Variants in BSPH1 observed in about 807,000 individuals in gnomAD.
BSPH1 encodes the protein binder of sperm 1.
Under a neutral mutation model 22.5 loss-of-function variants are expected in BSPH1, and 21 were observed. That is an observed-to-expected ratio of 0.93 (90% confidence interval 0.66 to 1.35). BSPH1 has a LOEUF of 1.35. Among genes scored for constraint, BSPH1 ranks in the 40% most tolerant of loss-of-function variants. The pLI is 0.00. For synonymous variants in BSPH1, 42 were observed against 53.6 expected (o/e 0.78, Z 0.95); for missense variants, 141 against 154.2 (o/e 0.91, Z 0.45).
rs1306503000 is a variant in BSPH1, at chr19:47,977,503, A to G, written c.126T>C (p.Asp42=). ...ETITHFPEVT[D]GECVFPFHYK... ...AGTGGAATGGAAAGACACACTCCCCATCTAGAGAAAACAAAATTCTTCCTC... is the reference window on the plus strand; with the variant it reads ...AGTGGAATGGAAAGACACACTCCCCGTCTAGAGAAAACAAAATTCTTCCTC... The change falls in exon 4 of 6, where the codon GAT becomes GAC. Residue 42 remains aspartate, a splice_region_variant and synonymous_variant. Coordinates refer to ENST00000344839, the MANE Select transcript of BSPH1 (RefSeq NM_001128326.2). 1.9e-5 allele frequency: 30 copies of G among 1,551,250 alleles called. No individual in the cohort carries two copies. The East Asian group carries it at 6.4e-4, about 33-fold the overall frequency.
intron 1 of BSPH1, among the ~76,000 whole-genome samples, chr19:47,985,280 A>C (rs759726512): frequency 5.3e-5 from 8 of 152,154 alleles, no homozygotes; most frequent in Non-Finnish European, 1.2e-4. Flanking sequence ...CCTTACCTAC[A>C]GAGAAGCAAA....
chr19:47,985,664 GTC>G (rs1214357249), intron 1 of BSPH1, among the ~76,000 whole-genome samples: 4 of 151,832 alleles, frequency 2.6e-5, no homozygotes, highest in Non-Finnish European at 5.9e-5. Flanking sequence ...GTGAAACCCT[GTC>G]TCTACTAAAA....
downstream of BSPH1, among the ~76,000 whole-genome samples, chr19:47,967,666 T>C (rs1296346667): frequency 6.6e-6 from 1 of 152,220 alleles, no homozygotes; most frequent in Non-Finnish European, 1.5e-5. Flanking sequence ...CTACTCTGAA[T>C]ACCTCATCTT....
At chr19:47,991,634 T>A (rs62652772) in intron 1 of BSPH1, among the ~76,000 whole-genome samples, 595 of 45,522 alleles carry the variant, frequency 0.013, 4 homozygotes, top group Non-Finnish European at 0.018. Flanking sequence ...TCCCTCCTCC[T>A]CCTCCTTCCC....
At chr19:47,979,135 C>T (rs1969395008) in intron 3 of BSPH1, among the ~76,000 whole-genome samples, 1 of 152,154 alleles carries the variant, frequency 6.6e-6, no homozygotes, top group African/African-American at 2.4e-5. Context: ...CCTTCTCCTC[C>T]TCCTTCTTCT....
chr19:47,977,185 G>T (rs1029359609), intron 4 of BSPH1, among the ~76,000 whole-genome samples, 188 bp downstream of exon 4: 1 of 152,192 alleles, frequency 6.6e-6, no homozygotes. Flanking sequence ...AAAATAATGT[G>T]GTTGAAATGC....
intron 2 of BSPH1, 120 bp from the exon 3 acceptor site, chr19:47,979,719 CATT>C (rs1969400704): frequency 2.2e-6 from 1 of 448,090 alleles, no homozygotes; most frequent in Admixed American, 4.4e-5. Context: ...ATTGTTATGG[CATT>C]ATGTTTTCCA....
At chr19:47,986,040 G>A (rs906211888) in intron 1 of BSPH1, among the ~76,000 whole-genome samples, 13 of 152,066 alleles carry the variant, frequency 8.5e-5, no homozygotes, top group Admixed American at 3.3e-4. Context: ...TCCAAGCTAC[G>A]GAGCCCCAGA....
chr19:47,981,136 T>C (rs1969416143), intron 1 of BSPH1, among the ~76,000 whole-genome samples, 195 bp from the exon 2 acceptor site: 1 of 152,192 alleles, frequency 6.6e-6, no homozygotes. Flanking sequence ...ATTTTTCAAA[T>C]ATTATTAAAG....
chr19:47,976,597 CAAA>C (rs1162262236), intron 5 of BSPH1, 110 bp downstream of exon 5: 10 of 314,304 alleles, frequency 3.2e-5, no homozygotes, highest in Non-Finnish European at 5.1e-5. Context: ...AAAAAAAAAA[CAAA>C]AAAAAACCCT....
chr19:47,984,131 G>A (rs1051468741), intron 1 of BSPH1, among the ~76,000 whole-genome samples: 8 of 137,176 alleles, frequency 5.8e-5, no homozygotes, highest in African/African-American at 2.2e-4. Context: ...ACAGGTGTAA[G>A]CCACCATGCC....
In BSPH1 at chr19:47,973,242, T is replaced by A. The variant is rs1245095233; in HGVS notation, c.*2+3468A>T. Among the ~76,000 whole-genome samples the A allele has an allele frequency of 5.6e-3, 813 of 146,052 alleles. 12 individuals carry two copies. Among genetic ancestry groups the A allele is most frequent in the African/African-American group, 0.02 (779 of 38,796 alleles). On this transcript the variant is annotated intron_variant, in intron 5 of 5. Transcript: ENST00000344839. ...AAAATAATAATAATAATAATAATAA[T>A]AATAATAATAATAATAATAATGTAG... is the stretch of plus-strand genomic sequence containing the variant.
intron 2 of BSPH1, among the ~76,000 whole-genome samples, chr19:47,980,227 C>A (rs1013158242): frequency 3.3e-5 from 5 of 151,028 alleles, no homozygotes; most frequent in African/African-American, 1.2e-4. Flanking sequence ...AAATATTCAT[C>A]CCTGAGGGAA....
intron 1 of BSPH1, among the ~76,000 whole-genome samples, chr19:47,985,387 T>C (rs535423062): frequency 6.6e-6 from 1 of 152,320 alleles, no homozygotes; most frequent in Non-Finnish European, 1.5e-5. Flanking sequence ...TCTAGAATTC[T>C]GTACCCTGCA....
At chr19:47,973,771 CAAG>C (rs147972481) in intron 5 of BSPH1, among the ~76,000 whole-genome samples, 5 of 152,332 alleles carry the variant, frequency 3.3e-5, no homozygotes, top group East Asian at 1.9e-4. Flanking sequence ...TCTGACGCAG[CAAG>C]AAGAAGTCAA....
chr19:47,991,964 T>C, intron 1 of BSPH1, 45 bp downstream of exon 1: 1 of 1,305,756 alleles, frequency 7.7e-7, no homozygotes, highest in Non-Finnish European at 1.1e-6. Context: ...GCTCCAAAGT[T>C]AAGCTATCTA....
At chr19:47,985,950 G>C (rs1969466636) in intron 1 of BSPH1, among the ~76,000 whole-genome samples, 1 of 151,956 alleles carries the variant, frequency 6.6e-6, no homozygotes, top group African/African-American at 2.4e-5. Context: ...GATGAGCAGT[G>C]AATTTCAGCA....
rs73941425 is a variant in BSPH1 at position 47,990,185 on chromosome 19, G to T, written c.73+1824C>A. ...GGCAGATGCTTGCAAGGGAGAGAGA[G>T]GGAGATAGTGAATAGGCAACAGTTC... On this transcript the variant is annotated intron_variant, in intron 1 of 5. Transcript: ENST00000344839. Among the ~76,000 whole-genome samples the T allele has an allele frequency of 6.5e-3, 992 of 151,472 alleles. 8 individuals are homozygous for T. Among genetic ancestry groups the T allele is most frequent in the East Asian group, 0.043 (219 of 5,144 alleles).
At chr19:47,975,768 G>C (rs1336541007) in intron 5 of BSPH1, among the ~76,000 whole-genome samples, 3 of 149,658 alleles carry the variant, frequency 2.0e-5, no homozygotes. Flanking sequence ...CCATTCTCCT[G>C]CCTCAGCCTC....
Sources: allele counts gnomAD v4.1 joint callset (sites outside exome capture counted in the v4.1 genomes callset), GRCh38; gene constraint gnomAD v4.1.1; transcripts MANE v1.5; gene names NCBI Gene and HGNC (gene_info 2026-07-23, HGNC 2026-07-21).